Variants in CIMAP1B observed in about 807,000 individuals in gnomAD.
The protein encoded by CIMAP1B is ciliary microtubule associated protein 1B.
chr22:50,530,674 C>G, the CIMAP1B span: 1 of 1,606,226 alleles, frequency 6.2e-7, no homozygotes, highest in Non-Finnish European at 8.5e-7. Flanking sequence ...CCTCCCCACT[C>G]TCCTGACTCT....
At chr22:50,532,309 C>G in the CIMAP1B span, 203 of 479,648 alleles carry the variant, frequency 4.2e-4, 2 homozygotes, top group East Asian at 7.3e-3. Context: ...ACCCGGACTC[C>G]AGGCGCATTA....
the CIMAP1B span, chr22:50,530,633 G>A: frequency 6.3e-7 from 1 of 1,576,406 alleles, no homozygotes; most frequent in Non-Finnish European, 8.6e-7. Context: ...GGACCCCCGG[G>A]GACTCTGATC....
At chr22:50,530,459 G>GGGCC in the CIMAP1B span, 14 of 1,578,918 alleles carry the variant, frequency 8.9e-6, no homozygotes, top group South Asian at 1.6e-4. Flanking sequence ...AACACGTGTG[G>GGGCC]GGCCGCTCCC....
At chr22:50,532,300 C>G in the CIMAP1B span, 5 of 532,400 alleles carry the variant, frequency 9.4e-6, no homozygotes, top group Non-Finnish European at 1.4e-5. Context: ...AGGGCCATCA[C>G]CCGGACTCCA....
chr22:50,531,512 G>A, the CIMAP1B span: 1 of 1,374,928 alleles, frequency 7.3e-7, no homozygotes, highest in Non-Finnish European at 9.5e-7. Flanking sequence ...GGGTTCCCAG[G>A]TGGGCCTCCC....
the CIMAP1B span, chr22:50,531,029 A>G: frequency 1.2e-6 from 2 of 1,610,232 alleles, no homozygotes; most frequent in Non-Finnish European, 1.7e-6. Context: ...CGCGGACCCA[A>G]GAGCGAGGGC....
the CIMAP1B span, chr22:50,532,094 GCTTACGGCTCGC>G: frequency 1.5e-6 from 2 of 1,360,502 alleles, no homozygotes; most frequent in Non-Finnish European, 1.9e-6. Flanking sequence ...GGTGGGGGGC[GCTTACGGCTCGC>G]AGCACCTGCG....
At chr22:50,532,178 A>AC in the CIMAP1B span, 1 of 1,283,250 alleles carries the variant, frequency 7.8e-7, no homozygotes, top group Middle Eastern at 3.0e-4. Context: ...CTTTCCCACT[A>AC]CCCTGGGATC....
chr22:50,531,747 G>T, the CIMAP1B span: 3 of 1,372,138 alleles, frequency 2.2e-6, no homozygotes, highest in Non-Finnish European at 2.8e-6. Context: ...GGGGCGCGCG[G>T]CCGCGACGGG....
chr22:50,532,291 G>T, the CIMAP1B span: 1 of 605,604 alleles, frequency 1.7e-6, no homozygotes, highest in Non-Finnish European at 2.4e-6. Context: ...AGCGGATCCA[G>T]GGCCATCACC....
At chr22:50,532,253 T>C in the CIMAP1B span, 1 of 863,508 alleles carries the variant, frequency 1.2e-6, no homozygotes, top group South Asian at 4.9e-5. Flanking sequence ...CGAGCTTCCT[T>C]CCCGGCTGTG....
At chr22:50,530,970 T>C in the CIMAP1B span, 2 of 1,611,286 alleles carry the variant, frequency 1.2e-6, no homozygotes, top group Non-Finnish European at 1.7e-6. Flanking sequence ...TGCCAGCCGC[T>C]CTGCGGCCGT....
At chr22:50,531,004 A>G in the CIMAP1B span, 4 of 1,610,334 alleles carry the variant, frequency 2.5e-6, no homozygotes, top group African/African-American at 4.0e-5. Context: ...TGGGGCGGAG[A>G]CTTTGCCGAT....
the CIMAP1B span, chr22:50,532,344 C>T: frequency 2.7e-6 from 1 of 371,786 alleles, no homozygotes; most frequent in African/African-American, 2.1e-5. Flanking sequence ...CTCGCGGGGG[C>T]CAAGTCTAGA....
the CIMAP1B span, chr22:50,531,826 C>G: frequency 7.5e-7 from 1 of 1,339,366 alleles, no homozygotes; most frequent in Non-Finnish European, 9.6e-7. Flanking sequence ...GCCCCATCTG[C>G]AACACGGACC....
the CIMAP1B span, chr22:50,531,066 G>A: frequency 1.2e-6 from 2 of 1,607,720 alleles, no homozygotes; most frequent in Non-Finnish European, 1.7e-6. Flanking sequence ...GACCTGGGGA[G>A]GAGGCAGGGC....
the CIMAP1B span, chr22:50,531,467 T>C: frequency 1.8e-6 from 2 of 1,093,040 alleles, no homozygotes. Flanking sequence ...TATGCGGTGT[T>C]AGGGTATCCG....
the CIMAP1B span, chr22:50,530,688 C>G: frequency 6.2e-7 from 1 of 1,609,862 alleles, no homozygotes; most frequent in South Asian, 1.1e-5. Flanking sequence ...TGACTCTGAC[C>G]CTTGACCCTG....
the CIMAP1B span, chr22:50,530,561 C>T: frequency 2.5e-6 from 4 of 1,587,564 alleles, no homozygotes; most frequent in Non-Finnish European, 3.4e-6. Flanking sequence ...GCTTCCGGTG[C>T]TGCGGGCCCG....
Sources: gnomAD v4.1 joint callset for allele counts on GRCh38, gnomAD v4.1.1 for gene constraint, MANE v1.5 for transcripts, NCBI Gene and HGNC (gene_info 2026-07-23, HGNC 2026-07-21) for gene names.